The following TESC variants were observed in gnomAD, a reference collection of about 807,000 sequenced individuals.
The protein encoded by TESC is tescalcin.
A neutral mutation model predicts 31.0 loss-of-function variants in TESC; 19 were observed. The observed-to-expected ratio is 0.61, with a 90% CI of 0.43 to 0.90. The LOEUF (loss-of-function observed/expected upper bound fraction) is 0.90, where lower values mean the gene tolerates loss of function less well. TESC is among the 40% of genes least tolerant of loss of function. The pLI is 0.00. For synonymous variants in TESC, 109 were observed against 114.8 expected, an observed-to-expected ratio of 0.95 and a Z score of 0.32; for missense variants, 248 against 303.8, an observed-to-expected ratio of 0.82 and a Z score of 1.36.
intron 1 of TESC, among the ~76,000 whole-genome samples, chr12:117,097,244 T>A (rs1364081254): frequency 6.6e-6 from 1 of 152,116 alleles, no homozygotes; most frequent in East Asian, 1.9e-4. Context: ...ACCCTCTCCA[T>A]CTCCCTTGGG....
At chr12:117,054,561 C>T (rs1397169932) in intron 3 of TESC, among the ~76,000 whole-genome samples, 1 of 152,178 alleles carries the variant, frequency 6.6e-6, no homozygotes, top group East Asian at 1.9e-4. Flanking sequence ...CTTGGTCACT[C>T]TCTCGCCAGG....
intron 1 of TESC, among the ~76,000 whole-genome samples, chr12:117,076,999 A>G (rs1294390903): frequency 6.6e-6 from 1 of 152,048 alleles, no homozygotes; most frequent in East Asian, 1.9e-4. Flanking sequence ...GTGACCTCCC[A>G]CCTCAGTCCT....
chr12:117,098,650 T>A (rs918777916), intron 1 of TESC: 1 of 152,272 alleles, frequency 6.6e-6, no homozygotes, highest in Non-Finnish European at 1.5e-5. Context: ...CCGGGCAAAG[T>A]GCTCTGCGGC....
chr12:117,073,024 C>T lies in TESC; in HGVS notation c.128+2247G>A, dbSNP rs574811888. ...AACTTCTGAAGGAACAAGCAAAGCA[C>T]GCCCTTGACACTGTTTTCCAGCATC... On this transcript the variant is annotated intron_variant, in intron 2 of 7. Coordinates refer to ENST00000335209, the MANE Select transcript of TESC (RefSeq NM_017899.4). Among the ~76,000 whole-genome samples the T allele has an allele frequency of 1.2e-4, 18 of 152,316 alleles. No homozygotes were observed. In the East Asian group the frequency reaches 3.3e-3, roughly 28 times the overall value.
chr12:117,079,433 G>A (rs1000416284), intron 1 of TESC, among the ~76,000 whole-genome samples: 1 of 152,036 alleles, frequency 6.6e-6, no homozygotes, highest in Non-Finnish European at 1.5e-5. Flanking sequence ...GTGGTGGCAG[G>A]CACCTGTAAT....
At chr12:117,048,847 G>T in intron 4 of TESC, 172 bp downstream of exon 4, 1 of 1,013,354 alleles carries the variant, frequency 9.9e-7, no homozygotes, top group Non-Finnish European at 1.5e-6. Context: ...TGCCGGGAAC[G>T]GGAGACAGCA....
intron 1 of TESC, among the ~76,000 whole-genome samples, chr12:117,077,312 G>A (rs1955087463): frequency 6.6e-6 from 1 of 152,202 alleles, no homozygotes; most frequent in African/African-American, 2.4e-5. Flanking sequence ...ACGGTTAGGT[G>A]AATCATCAAA....
intron 2 of TESC, among the ~76,000 whole-genome samples, chr12:117,060,922 A>C (rs1262357028): frequency 6.6e-6 from 1 of 152,176 alleles, no homozygotes; most frequent in Non-Finnish European, 1.5e-5. Flanking sequence ...TCTGGCTTTC[A>C]CTGGCTGTTG....
chr12:117,086,770 G>T (rs1330667595), intron 1 of TESC, among the ~76,000 whole-genome samples: 1 of 152,146 alleles, frequency 6.6e-6, no homozygotes. Flanking sequence ...CATGAATTTT[G>T]CATCAATTTT....
chr12:117,057,987 A>T (rs1288157558), intron 2 of TESC, among the ~76,000 whole-genome samples: 1 of 152,202 alleles, frequency 6.6e-6, no homozygotes, highest in African/African-American at 2.4e-5. Flanking sequence ...TGGGAGGCCG[A>T]GGCAGGCGGA....
chr12:117,058,406 G>A (rs1954759265), intron 2 of TESC, among the ~76,000 whole-genome samples: 1 of 151,792 alleles, frequency 6.6e-6, no homozygotes, highest in Admixed American at 6.6e-5. Flanking sequence ...GGAATGTGGT[G>A]TGCCAGCTGA....
rs1398973683 is a variant in TESC, at chr12:117,052,224, G to C, written c.210-3066C>G. ...CCTTAACTTTCCAATTCTTCTGTAA[G>C]GAATGGGGCGCCCTGGAGGTGGGGA... On this transcript the variant is annotated intron_variant, in intron 3 of 7. Transcript: ENST00000335209. Among the ~76,000 whole-genome samples, 3 of 152,180 alleles carry C rather than the reference G, an allele frequency of 2.0e-5. 1 individual carries two copies. The highest frequency in any genetic ancestry group is 4.4e-5 in the Non-Finnish European group (3 of 68,030).
chr12:117,039,973 TG>T lies in TESC; in HGVS notation c.568-764del, dbSNP rs113705779. 2.7e-3 allele frequency among the ~76,000 whole-genome samples: 411 copies of T among 152,214 alleles called. 1 individual carries two copies. Among genetic ancestry groups the T allele is most frequent in the African/African-American group, 6.1e-3 (253 of 41,554 alleles). On this transcript the variant is annotated intron_variant, in intron 7 of 7. Transcript: ENST00000335209. ...CCCACGGGGGCCACAGATGGTAGGA[TG>T]GGGGGGTGCCAACAGGAACGGAGGG...
intron 4 of TESC, 38 bp from the exon 5 acceptor site, chr12:117,046,876 G>A (rs755534516): frequency 3.2e-6 from 5 of 1,543,170 alleles, no homozygotes; most frequent in Non-Finnish European, 2.6e-6. Flanking sequence ...CCGTCAGGCG[G>A]GGCCTGGCCC....
At chr12:117,065,101 G>A (rs77252271) in intron 2 of TESC, among the ~76,000 whole-genome samples, 86 of 152,342 alleles carry the variant, frequency 5.6e-4, no homozygotes, top group African/African-American at 2.0e-3. Context: ...AGGCCTCAGC[G>A]GAGGCTCTGA....
chr12:117,044,590 T>C (rs1322426811), intron 6 of TESC, among the ~76,000 whole-genome samples: 1 of 152,150 alleles, frequency 6.6e-6, no homozygotes, highest in Non-Finnish European at 1.5e-5. Flanking sequence ...TGTGACCTCC[T>C]GAGAAAGCAC....
intron 3 of TESC, among the ~76,000 whole-genome samples, chr12:117,052,540 T>C (rs1954663032): frequency 2.0e-5 from 3 of 152,078 alleles, no homozygotes; most frequent in African/African-American, 7.2e-5. Context: ...CACTGGCACC[T>C]TCCTTTCTCC....
At chr12:117,068,224 G>T (rs988908777) in intron 2 of TESC, among the ~76,000 whole-genome samples, 1 of 151,862 alleles carries the variant, frequency 6.6e-6, no homozygotes, top group Non-Finnish European at 1.5e-5. Flanking sequence ...AAATGACAGA[G>T]CAGTGGTAAG....
At position 117,046,582 on chromosome 12, in the gene TESC, C is replaced by T; in HGVS notation, c.496G>A (p.Ala166Thr). 1 of 1,550,900 alleles carries T rather than the reference C, an allele frequency of 6.4e-7. No individual in the cohort carries two copies. The highest frequency in any genetic ancestry group is 1.2e-5 in the South Asian group (1 of 84,038). The change falls in exon 6 of 8, where the codon GCC (alanine) becomes ACC (threonine). Residue 166 changes from alanine (A) to threonine (T), a missense_variant. Transcript: ENST00000335209. Reference protein sequence around the residue: ...SIADGAMMEAASVCMGQMEPD... With the variant: ...SIADGAMMEATSVCMGQMEPD... ...ACCATCTGCCCCATGCACACGCTGG[C>T]CGCCTCCATCATGGCCCCGTCGGCG...
Sources: gnomAD v4.1 joint callset for allele counts (sites outside exome capture counted in the v4.1 genomes callset) on GRCh38, gnomAD v4.1.1 for gene constraint, MANE v1.5 for transcripts, NCBI Gene and HGNC (gene_info 2026-07-23, HGNC 2026-07-21) for gene names.